Variants in RBFOX3 observed in about 807,000 individuals in gnomAD.
RBFOX3 encodes the protein RNA binding protein fox-1 homolog 3.
RBFOX3 carries 17 observed loss-of-function variants against 48.7 expected under a neutral mutation model. That is an observed-to-expected ratio of 0.35 (90% CI 0.24 to 0.52). RBFOX3 has a LOEUF of 0.52. RBFOX3 is among the 20% of genes least tolerant of loss of function. RBFOX3 has a pLI of 0.94. For synonymous variants in RBFOX3, 212 were observed against 209.5 expected, an observed-to-expected ratio of 1.01 and a Z score of -0.10; for missense variants, 382 against 497.5, an observed-to-expected ratio of 0.77 and a Z score of 2.21.
rs561495450 is a variant in RBFOX3 at position 79,167,634 on chromosome 17, C to T, written c.-33-51886G>A. ...CCCCGGGCTCACTCACAGCCCCGGCCGCAGTCTGCCTGCCCCCGCAGAGGA... is the reference window on the plus strand; with the variant it reads ...CCCCGGGCTCACTCACAGCCCCGGCTGCAGTCTGCCTGCCCCCGCAGAGGA... On this transcript the variant is annotated intron_variant, in intron 4 of 14. Coordinates refer to ENST00000693108, the MANE Select transcript of RBFOX3 (RefSeq NM_001350451.2). Among the ~76,000 whole-genome samples, 41 of 152,348 alleles carry T rather than the reference C, an allele frequency of 2.7e-4. 1 individual carries two copies. Among genetic ancestry groups the T allele is most frequent in the Admixed American group, 6.5e-4 (10 of 15,312 alleles).
the RBFOX3 span, among the ~76,000 whole-genome samples, chr17:79,630,165 T>C: frequency 0.84 from 127,343 of 151,924 alleles, 56,371 homozygotes; most frequent in Non-Finnish European, 0.97. Flanking sequence ...AAGGACTGCC[T>C]CCTGATGAAC....
intron 1 of RBFOX3, among the ~76,000 whole-genome samples, chr17:79,509,541 C>T (rs1366579569): frequency 3.3e-5 from 5 of 152,166 alleles, no homozygotes; most frequent in Admixed American, 6.5e-5. Context: ...ATCGTAACAG[C>T]GTTCTAGCTG....
chr17:79,418,486 G>A lies in RBFOX3; in HGVS notation c.-175+63968C>T. On this transcript the variant is annotated intron_variant, in intron 2 of 14. Coordinates refer to ENST00000693108, the MANE Select transcript of RBFOX3 (RefSeq NM_001350451.2). This position sits in a 1 kb window ranked among gnomAD's most constrained non-coding sequence, Gnocchi z 5.0. Reference sequence around the variant, plus strand: ...CGAGAAAGCCGTGTGTGTCAGCCAAGAGCCTGCGGCCTCTGGCCAAGAGCA... The same window carrying A: ...CGAGAAAGCCGTGTGTGTCAGCCAAAAGCCTGCGGCCTCTGGCCAAGAGCA... 6.6e-6 allele frequency among the ~76,000 whole-genome samples: 1 copy of A among 152,224 alleles called. No individual in the cohort carries two copies. The highest frequency in any genetic ancestry group is 1.9e-4 in the East Asian group (1 of 5,198).
chr17:79,178,468 C>T (rs1054563749), intron 4 of RBFOX3, among the ~76,000 whole-genome samples: 2 of 152,178 alleles, frequency 1.3e-5, no homozygotes, highest in Non-Finnish European at 2.9e-5. Context: ...GACATGGACT[C>T]GAGCCCCAAT....
At chr17:79,128,100 A>G (rs904773748) in intron 4 of RBFOX3, among the ~76,000 whole-genome samples, 1 of 152,036 alleles carries the variant, frequency 6.6e-6, no homozygotes, top group Non-Finnish European at 1.5e-5. Flanking sequence ...CAGGGAGCAG[A>G]CTCCTGGCGG....
intron 4 of RBFOX3, among the ~76,000 whole-genome samples, chr17:79,170,230 C>A (rs2048976646): frequency 6.8e-6 from 1 of 147,750 alleles, no homozygotes; most frequent in Non-Finnish European, 1.5e-5. Flanking sequence ...AGGGCTCAGG[C>A]CAGATGTTCA....
the RBFOX3 span, among the ~76,000 whole-genome samples, chr17:79,662,129 A>ATTGTTTTTTTTTTTTTTT: frequency 6.9e-5 from 1 of 14,486 alleles, no homozygotes; most frequent in African/African-American, 1.2e-4. Flanking sequence ...CTTCCTGTTT[A>ATTGTTTTTTTTTTTTTTT]TTCTTTTTTT....
At chr17:79,151,354 C>T (rs980788464) in intron 4 of RBFOX3, among the ~76,000 whole-genome samples, 8 of 137,422 alleles carry the variant, frequency 5.8e-5, no homozygotes, top group Non-Finnish European at 9.3e-5. Context: ...CAGACACGTT[C>T]GGTGTCACGG....
chr17:79,182,534 C>T (rs1281000173), intron 4 of RBFOX3, among the ~76,000 whole-genome samples: 5 of 152,088 alleles, frequency 3.3e-5, no homozygotes. Context: ...CCGTCCCCTC[C>T]CCCAACGCCC....
chr17:79,246,999 A>G (rs996904714), intron 3 of RBFOX3, among the ~76,000 whole-genome samples: 1 of 152,168 alleles, frequency 6.6e-6, no homozygotes, highest in Non-Finnish European at 1.5e-5. Flanking sequence ...CAATTTAGAC[A>G]TGTCCTTTCT....
In RBFOX3 at chr17:79,443,386, C is replaced by CT. The variant is rs1169622267; in HGVS notation, c.-175+39067dup. The stretch of plus-strand genomic sequence containing the variant: ...TGCACACTCACATACACCCTTGCCT[C>CT]TTTTTTTTTTCTTTTGAGACAGTCT... On this transcript the variant is annotated intron_variant, in intron 2 of 14. Coordinates refer to ENST00000693108, the MANE Select transcript of RBFOX3 (RefSeq NM_001350451.2). The surrounding 1 kb of genome is among the most constrained non-coding windows in gnomAD (Gnocchi z 4.4). 1.0e-4 allele frequency among the ~76,000 whole-genome samples: 15 copies of CT among 150,270 alleles called. No individual in the cohort carries two copies. Among genetic ancestry groups the CT allele is most frequent in the South Asian group, 2.1e-4 (1 of 4,720 alleles).
rs1057364629 is a variant in RBFOX3 at position 79,195,840 on chromosome 17, G to A, written c.-34+39926C>T. 2.0e-5 allele frequency among the ~76,000 whole-genome samples: 3 copies of A among 152,198 alleles called. No homozygotes were observed. Among genetic ancestry groups the A allele is most frequent in the Non-Finnish European group, 2.9e-5 (2 of 68,038 alleles). ...GTGTCCTAGTGGCCAGCTCCCGTGC[G>A]GCTGCACTCGCTTGCATTTGGCTGC... On this transcript the variant is annotated intron_variant, in intron 4 of 14. Coordinates refer to ENST00000693108, the MANE Select transcript of RBFOX3 (RefSeq NM_001350451.2). This position sits in a 1 kb window ranked among gnomAD's most constrained non-coding sequence, Gnocchi z 5.3.
intron 2 of RBFOX3, among the ~76,000 whole-genome samples, chr17:79,366,491 A>G (rs537891927): frequency 2.2e-4 from 34 of 152,326 alleles, no homozygotes; most frequent in African/African-American, 7.2e-4. Context: ...CCACGTCTCA[A>G]TCTATCAAAG....
At chr17:79,312,584 G>A (rs998576887) in intron 2 of RBFOX3, among the ~76,000 whole-genome samples, 1 of 152,154 alleles carries the variant, frequency 6.6e-6, no homozygotes, top group Non-Finnish European at 1.5e-5. Context: ...CTGGCTGTCA[G>A]GTGACAGGTG....
intron 1 of RBFOX3, among the ~76,000 whole-genome samples, chr17:79,607,553 G>T (rs2093861787): frequency 6.6e-6 from 1 of 152,162 alleles, no homozygotes; most frequent in South Asian, 2.1e-4. Context: ...TTCTGGGAGG[G>T]ATAGGAGCGT....
At position 79,097,724 on chromosome 17, in the gene RBFOX3, A is replaced by C. The variant is rs763772864; in HGVS notation, c.590T>G (p.Val197Gly). The C allele has an allele frequency of 6.5e-7, 1 of 1,533,558 alleles. No homozygotes were observed. The highest frequency in any genetic ancestry group is 1.2e-5 in the South Asian group (1 of 83,804). 95.0% of individuals were successfully genotyped at this position (1,533,558 alleles called of 1,614,324 possible). The stretch of plus-strand genomic sequence containing the variant: ...GAATTCAGGCCCGTAGACTGCGCCG[A>C]CCACTGGATTTAGCTTCCAGCCTAA... Reference protein sequence around the residue: ...YTNGWKLNPVVGAVYGPEFYA... With the variant: ...YTNGWKLNPVGGAVYGPEFYA... Residue 197 changes from valine (V) to glycine (G), a missense_variant, in exon 10 of 15, where the codon GTC becomes GGC. Around this residue, in one of 3 missense-constraint regions of RBFOX3, gnomAD observed 215 missense variants for 254.8 expected, o/e 0.84. Coordinates refer to ENST00000693108, the MANE Select transcript of RBFOX3 (RefSeq NM_001350451.2).
chr17:79,466,997 G>C (rs1383954261), intron 2 of RBFOX3, among the ~76,000 whole-genome samples: 1 of 152,220 alleles, frequency 6.6e-6, no homozygotes, highest in Non-Finnish European at 1.5e-5. Flanking sequence ...CCAGGTACAG[G>C]CTTCCTCTGT....
chr17:79,269,552 C>T (rs1246253539), intron 3 of RBFOX3, among the ~76,000 whole-genome samples: 2 of 152,094 alleles, frequency 1.3e-5, no homozygotes, highest in African/African-American at 4.8e-5. Context: ...CTATTGTCAC[C>T]TGGCCCTCTG....
intron 4 of RBFOX3, among the ~76,000 whole-genome samples, chr17:79,158,585 C>T (rs143095148): frequency 2.0e-5 from 3 of 152,238 alleles, no homozygotes; most frequent in African/African-American, 7.2e-5. Context: ...CACAGCCAAA[C>T]GGAGCAGAGG....
Sources: allele counts gnomAD v4.1 joint callset (sites outside exome capture counted in the v4.1 genomes callset), GRCh38; gene constraint gnomAD v4.1.1; regional missense constraint gnomAD v4.1.1; non-coding constraint Gnocchi (gnomAD v3.1); transcripts MANE v1.5; gene names NCBI Gene and HGNC (gene_info 2026-07-23, HGNC 2026-07-21).